The following UMAD1 variants were observed in gnomAD, a reference collection of about 807,000 sequenced individuals.
The protein encoded by UMAD1 is UBAP1-MVB12-associated (UMA) domain containing 1.
In UMAD1, 8 loss-of-function variants were observed where a neutral mutation model predicts 6.1. The ratio of observed to expected loss-of-function variants is 1.30; its 90% CI spans 0.76 to 2.35. The LOEUF is 2.35. Among genes scored for constraint, UMAD1 ranks in the 30% most tolerant of loss-of-function variants. The pLI is 0.00. For synonymous variants in UMAD1, 56 were observed against 31.4 expected (o/e 1.78, Z -2.61); for missense variants, 130 against 78.4 (o/e 1.66, Z -2.49).
At chr7:7,722,943 T>C (rs570889810) in intron 2 of UMAD1, among the ~76,000 whole-genome samples, 1 of 152,336 alleles carries the variant, frequency 6.6e-6, no homozygotes, top group East Asian at 1.9e-4. Context: ...ATCCCCAGTA[T>C]TGGCAACATT....
chr7:7,820,725 C>G (rs1252467111), intron 3 of UMAD1, among the ~76,000 whole-genome samples: 1 of 151,916 alleles, frequency 6.6e-6, no homozygotes, highest in Non-Finnish European at 1.5e-5. Context: ...TTATTCTTTT[C>G]TTGATTTTTT....
At position 7,830,719 on chromosome 7, in the gene UMAD1, A is replaced by G. The variant is rs1783447428; in HGVS notation, c.156+28976A>G. ...TGCCTCAGAACCTTTGTAAGAAGAG[A>G]TACAGTAGGGTTTTGAGTCAATATA... On this transcript the variant is annotated intron_variant, in intron 3 of 3. Transcript: ENST00000682710. This position sits in a 1 kb window ranked among gnomAD's most constrained non-coding sequence, Gnocchi z 5.3. 6.6e-6 allele frequency among the ~76,000 whole-genome samples: 1 copy of G among 152,108 alleles called. No homozygotes were observed. The highest frequency in any genetic ancestry group is 1.5e-5 in the Non-Finnish European group (1 of 68,004).
At chr7:7,779,253 A>G (rs11978293) in intron 2 of UMAD1, among the ~76,000 whole-genome samples, 67,412 of 151,848 alleles carry the variant, frequency 0.44, 15,214 homozygotes, top group Non-Finnish European at 0.5. Flanking sequence ...TCATGAAAAC[A>G]TAAAAATTGA....
In UMAD1 at chr7:7,820,677, C is replaced by T. The variant is rs186278734; in HGVS notation, c.156+18934C>T. On this transcript the variant is annotated intron_variant, in intron 3 of 3. Coordinates refer to ENST00000682710, the MANE Select transcript of UMAD1 (RefSeq NM_001302348.2). ...CATAAGGGCCAAAGAGCTTGTTAGC[C>T]TGGAATTTAGTGTATTTTGGTACTC... Among the ~76,000 whole-genome samples, 23 of 152,064 alleles carry T rather than the reference C, an allele frequency of 1.5e-4. No homozygotes were observed. In the East Asian group the frequency reaches 2.7e-3, roughly 18 times the overall value.
intron 2 of UMAD1, among the ~76,000 whole-genome samples, chr7:7,680,316 C>T (rs1018513481): frequency 2.0e-5 from 3 of 152,076 alleles, no homozygotes; most frequent in African/African-American, 7.2e-5. Context: ...CAATGTATAT[C>T]CTTGGCACCC....
chr7:7,811,302 G>T (rs1446377970), intron 3 of UMAD1, among the ~76,000 whole-genome samples: 1 of 152,020 alleles, frequency 6.6e-6, no homozygotes, highest in East Asian at 1.9e-4. Flanking sequence ...GATTTCTTTG[G>T]ATATGAAGCA....
rs1211110822 is a variant in UMAD1, at chr7:7,835,059, A to G, written c.156+33316A>G. Among the ~76,000 whole-genome samples, 6 of 152,340 alleles carry G rather than the reference A, an allele frequency of 3.9e-5. No individual in the cohort carries two copies. In the South Asian group the frequency reaches 6.2e-4, roughly 16 times the overall value. On this transcript the variant is annotated intron_variant, in intron 3 of 3. Coordinates refer to ENST00000682710, the MANE Select transcript of UMAD1 (RefSeq NM_001302348.2). ...CCCCGTGATCTAATCACTTCTCTCA[A>G]TAGATGGGGTTTACAGTTCGAGGTG...
chr7:7,679,755 A>G (rs1005853267), intron 2 of UMAD1, among the ~76,000 whole-genome samples: 6 of 148,422 alleles, frequency 4.0e-5, no homozygotes, highest in Non-Finnish European at 5.9e-5. Flanking sequence ...TTAAGAGGCA[A>G]TAACTCACTA....
intron 2 of UMAD1, among the ~76,000 whole-genome samples, chr7:7,796,570 A>G (rs1782687747): frequency 6.6e-6 from 1 of 152,022 alleles, no homozygotes; most frequent in South Asian, 2.1e-4. Context: ...CTTTGTAACC[A>G]AAATTTATGT....
intron 2 of UMAD1, among the ~76,000 whole-genome samples, chr7:7,755,006 T>C (rs929955340): frequency 6.6e-6 from 1 of 152,194 alleles, no homozygotes; most frequent in East Asian, 1.9e-4. Flanking sequence ...GGGTGATTCT[T>C]TTTAATTTAA....
At chr7:7,800,625 G>T (rs1313005781) in intron 2 of UMAD1, among the ~76,000 whole-genome samples, 1 of 152,044 alleles carries the variant, frequency 6.6e-6, no homozygotes, top group African/African-American at 2.4e-5. Flanking sequence ...AAAGTCTAAT[G>T]TATCATTCTT....
At chr7:7,714,004 C>T (rs991213549) in intron 2 of UMAD1, among the ~76,000 whole-genome samples, 3 of 152,082 alleles carry the variant, frequency 2.0e-5, no homozygotes, top group East Asian at 1.9e-4. Flanking sequence ...CTGCCCCACA[C>T]GTTTTTCATC....
intron 3 of UMAD1, among the ~76,000 whole-genome samples, chr7:7,864,389 C>T (rs1212631195): frequency 6.6e-6 from 1 of 151,956 alleles, no homozygotes; most frequent in African/African-American, 2.4e-5. Flanking sequence ...TTTGGACTTG[C>T]CAGAGCATAT....
chr7:7,664,743 C>G (rs1779393759), intron 1 of UMAD1, among the ~76,000 whole-genome samples: 2 of 152,154 alleles, frequency 1.3e-5, no homozygotes, highest in Non-Finnish European at 2.9e-5. Flanking sequence ...TTTATGCTTT[C>G]TAGCGTTGTT....
chr7:7,650,046 T>C (rs1445456446), intron 1 of UMAD1, among the ~76,000 whole-genome samples: 1 of 152,240 alleles, frequency 6.6e-6, no homozygotes, highest in Non-Finnish European at 1.5e-5. Context: ...TATTTTGTTA[T>C]AGCAGCATGG....
intron 2 of UMAD1, among the ~76,000 whole-genome samples, chr7:7,795,268 T>C (rs566519886): frequency 2.0e-5 from 3 of 152,382 alleles, no homozygotes; most frequent in Non-Finnish European, 4.4e-5. Flanking sequence ...CCAAATATTT[T>C]ACAGAGCTTG....
intron 1 of UMAD1, among the ~76,000 whole-genome samples, chr7:7,654,034 T>G (rs2115078813): frequency 6.6e-6 from 1 of 152,200 alleles, no homozygotes; most frequent in East Asian, 1.9e-4. Context: ...TTCCGTTCTG[T>G]TTTTCATATT....
intron 3 of UMAD1, among the ~76,000 whole-genome samples, chr7:7,872,304 A>G (rs1400296007): frequency 6.6e-6 from 1 of 152,216 alleles, no homozygotes; most frequent in Non-Finnish European, 1.5e-5. Context: ...AGTGTGCAAT[A>G]GCAGTATGTC....
rs565087800 is a variant in UMAD1 at position 7,707,909 on chromosome 7, C to T, written c.82+34456C>T. Among the ~76,000 whole-genome samples the T allele has an allele frequency of 2.0e-5, 3 of 152,298 alleles. No individual in the cohort carries two copies. In the East Asian group the frequency reaches 5.8e-4, roughly 29 times the overall value. On this transcript the variant is annotated intron_variant, in intron 2 of 3. Transcript: ENST00000682710. ...ACATTGAGGCTGCTTTCCACAATGCCTTGTTGCCCAGACAGTGATGTCATG... is the reference window on the plus strand; with the variant it reads ...ACATTGAGGCTGCTTTCCACAATGCTTTGTTGCCCAGACAGTGATGTCATG...
Sources: allele counts gnomAD v4.1 joint callset (sites outside exome capture counted in the v4.1 genomes callset), GRCh38; gene constraint gnomAD v4.1.1; non-coding constraint Gnocchi (gnomAD v3.1); transcripts MANE v1.5; gene names NCBI Gene and HGNC (gene_info 2026-07-23, HGNC 2026-07-21).